TCF7L2: variants seen among roughly 807,000 people sequenced by gnomAD.
The protein encoded by TCF7L2 is transcription factor 7-like 2.
A neutral mutation model predicts 77.9 loss-of-function variants in TCF7L2; 23 were observed. The observed-to-expected ratio is 0.30, with a 90% confidence interval of 0.21 to 0.42. The LOEUF is 0.42. Ranked by LOEUF, TCF7L2 falls within the 10% of genes least tolerant of loss-of-function variation. TCF7L2 has a pLI of 1.00. For missense variants in TCF7L2, 654 were observed against 793.1 expected (o/e 0.82, Z 2.11); for synonymous variants, 413 against 340.2 (o/e 1.21, Z -2.36).
intron 5 of TCF7L2, among the ~76,000 whole-genome samples, chr10:113,073,771 G>T (rs1453443655): frequency 1.3e-5 from 2 of 151,594 alleles, no homozygotes; most frequent in Non-Finnish European, 2.9e-5. Context: ...TTTTTTATTT[G>T]CTTCCCAACC....
chr10:113,063,926 C>T (rs1457390080), intron 5 of TCF7L2, among the ~76,000 whole-genome samples: 1 of 102,964 alleles, frequency 9.7e-6, no homozygotes, highest in African/African-American at 3.7e-5. Context: ...GTGTGTGTTT[C>T]GTTGGATGGA....
chr10:113,086,723 G>GT (rs1161648289), intron 5 of TCF7L2, among the ~76,000 whole-genome samples: 6 of 148,926 alleles, frequency 4.0e-5, no homozygotes, highest in Non-Finnish European at 7.4e-5. Context: ...TTGTTGAAGA[G>GT]TTTTTTATTT....
In TCF7L2 at chr10:113,166,042, C is replaced by G. The variant is rs975003740; in HGVS notation, c.*70C>G. 7.2e-7 allele frequency: 1 copy of G among 1,392,014 alleles called. No homozygotes were observed. 86.2% of individuals were successfully genotyped at this position (1,392,014 alleles called of 1,614,324 possible). A position where few individuals can be genotyped will look rare whatever the true frequency, so the allele number is the denominator to read the frequency against. On this transcript the variant is annotated 3_prime_UTR_variant, in exon 14 of 14. Coordinates refer to ENST00000627217, the MANE Select transcript of TCF7L2 (RefSeq NM_001146274.2). ...ACTTTTCTTAATTTGCCCCCCACCC[C>G]CACCTTGAAAGGTTTTGTTTTGTAC... is the stretch of plus-strand genomic sequence containing the variant.
intron 8 of TCF7L2, among the ~76,000 whole-genome samples, chr10:113,149,224 T>C (rs971746828): frequency 3.9e-5 from 6 of 152,158 alleles, no homozygotes; most frequent in African/African-American, 1.2e-4. Flanking sequence ...TCCCAAGGGG[T>C]TTTGCTTTTT....
intron 5 of TCF7L2, among the ~76,000 whole-genome samples, chr10:113,137,799 A>G (rs1221847986): frequency 2.0e-5 from 3 of 152,228 alleles, no homozygotes; most frequent in Non-Finnish European, 2.9e-5. Context: ...TGTGCTCTCC[A>G]TTCCGCAGAC....
At chr10:113,107,739 G>A (rs1227709209) in intron 5 of TCF7L2, among the ~76,000 whole-genome samples, 1 of 112,064 alleles carries the variant, frequency 8.9e-6, no homozygotes, top group South Asian at 2.9e-4. Context: ...GGGCGACCGA[G>A]CGAGACTCCG....
rs886325882 is a variant in TCF7L2 at position 113,016,768 on chromosome 10, C to A, written c.451-23257C>A. The stretch of plus-strand genomic sequence containing the variant: ...TTAAAGGAAAGATTTGATTTACTTT[C>A]CCCCTTAGTAGCATGATGGGCACCT... On this transcript the variant is annotated intron_variant, in intron 4 of 13. Transcript: ENST00000627217. 2.0e-5 allele frequency among the ~76,000 whole-genome samples: 3 copies of A among 151,876 alleles called. No individual in the cohort carries two copies. The South Asian group carries it at 6.2e-4, about 32-fold the overall frequency.
At position 113,151,276 on chromosome 10, in the gene TCF7L2, A is replaced by C. The variant is rs952690770; in HGVS notation, c.1001+153A>C. Among the ~76,000 whole-genome samples the C allele has an allele frequency of 2.6e-5, 4 of 151,906 alleles. No individual in the cohort carries two copies. In the South Asian group the frequency reaches 6.2e-4, roughly 24 times the overall value. On this transcript the variant is annotated intron_variant, in intron 9 of 13. Transcript: ENST00000627217. This position sits in a 1 kb window ranked among gnomAD's most constrained non-coding sequence, Gnocchi z 5.2. ...TGTGTGGGCTCTTCACTCCCTTACAAAGAGAGAGAGAGTGCACAGTGGCAG... is the reference window on the plus strand; with the variant it reads ...TGTGTGGGCTCTTCACTCCCTTACACAGAGAGAGAGAGTGCACAGTGGCAG...
chr10:113,122,018 T>TTCTATTAG (rs2064885355), intron 5 of TCF7L2, among the ~76,000 whole-genome samples: 3 of 152,222 alleles, frequency 2.0e-5, no homozygotes, highest in African/African-American at 7.2e-5. Context: ...TATATGAAGC[T>TTCTATTAG]TCTATTAGTC....
intron 5 of TCF7L2, among the ~76,000 whole-genome samples, chr10:113,119,927 G>A (rs1324162772): frequency 6.6e-6 from 1 of 152,208 alleles, no homozygotes; most frequent in Non-Finnish European, 1.5e-5. Context: ...AGGATCTTCA[G>A]TGAGAGACAT....
At chr10:113,053,905 C>T (rs767804712) in intron 5 of TCF7L2, among the ~76,000 whole-genome samples, 5 of 152,182 alleles carry the variant, frequency 3.3e-5, no homozygotes, top group Non-Finnish European at 5.9e-5. Flanking sequence ...AGCTGGGAGG[C>T]GGCAAGCTGG....
intron 5 of TCF7L2, among the ~76,000 whole-genome samples, chr10:113,040,774 T>G (rs1399081624): frequency 6.6e-6 from 1 of 152,240 alleles, no homozygotes; most frequent in Admixed American, 6.5e-5. Context: ...ATGTATTTTC[T>G]TAGGGTTTTG....
At chr10:113,153,589 A>G (rs1480366591) in intron 11 of TCF7L2, among the ~76,000 whole-genome samples, 1 of 152,296 alleles carries the variant, frequency 6.6e-6, no homozygotes, top group East Asian at 1.9e-4. Context: ...CTTCTGTGGC[A>G]GGGGCTGGGG....
chr10:113,123,994 G>A (rs1468647244), intron 5 of TCF7L2, among the ~76,000 whole-genome samples: 1 of 152,152 alleles, frequency 6.6e-6, no homozygotes, highest in Non-Finnish European at 1.5e-5. Flanking sequence ...TTGTATGTAT[G>A]TTTGAGATTT....
At chr10:112,957,635 G>A (rs557027914) in intron 3 of TCF7L2, among the ~76,000 whole-genome samples, 18 of 152,278 alleles carry the variant, frequency 1.2e-4, no homozygotes, top group African/African-American at 3.6e-4. Flanking sequence ...ATGGAGGGGC[G>A]TGGGAGTACC....
chr10:113,002,538 G>A (rs2044681752), intron 4 of TCF7L2, among the ~76,000 whole-genome samples: 2 of 152,150 alleles, frequency 1.3e-5, no homozygotes, highest in South Asian at 2.1e-4. Flanking sequence ...CCCTGGCTGT[G>A]TGTGGGGGTG....
At chr10:113,087,015 A>G (rs1345870996) in intron 5 of TCF7L2, among the ~76,000 whole-genome samples, 2 of 152,106 alleles carry the variant, frequency 1.3e-5, no homozygotes, top group African/African-American at 4.8e-5. Flanking sequence ...AGAAAAAAAA[A>G]AGGGCAATAA....
intron 4 of TCF7L2, among the ~76,000 whole-genome samples, chr10:113,026,942 G>A (rs967851990): frequency 4.6e-5 from 7 of 152,112 alleles, no homozygotes; most frequent in African/African-American, 1.4e-4. Flanking sequence ...GGTTAGCTTC[G>A]GATCATTATT....
intron 5 of TCF7L2, among the ~76,000 whole-genome samples, chr10:113,083,987 A>G (rs528819680): frequency 6.6e-6 from 1 of 152,352 alleles, no homozygotes; most frequent in East Asian, 1.9e-4. Flanking sequence ...AAAGAAAATC[A>G]TAAAGAATTA....
Sources: allele counts gnomAD v4.1 joint callset (sites outside exome capture counted in the v4.1 genomes callset), GRCh38; gene constraint gnomAD v4.1.1; non-coding constraint Gnocchi (gnomAD v3.1); transcripts MANE v1.5; gene names NCBI Gene and HGNC (gene_info 2026-07-23, HGNC 2026-07-21).